Variants in AGO1 observed in about 807,000 individuals in gnomAD.
The protein encoded by AGO1 is protein argonaute-1.
Under a neutral mutation model 109.2 loss-of-function variants are expected in AGO1, and 11 were observed. The ratio of observed to expected loss-of-function variants is 0.10; its 90% confidence interval spans 0.06 to 0.17. The LOEUF is 0.17. Among genes scored for constraint, AGO1 ranks in the 10% least tolerant of loss-of-function variants. AGO1 has a pLI of 1.00. For synonymous variants in AGO1, 422 were observed against 418.6 expected (o/e 1.01, Z -0.10); for missense variants, 574 against 1,140.3 (o/e 0.50, Z 7.15).
intron 13 of AGO1, 81 bp from the exon 14 acceptor site, chr1:35,914,103 A>T: frequency 6.3e-7 from 1 of 1,590,384 alleles, no homozygotes; most frequent in South Asian, 1.1e-5. Context: ...CATAAGGGGG[A>T]GAAGAGCAGA....
At chr1:35,878,557 G>A (rs1645010317), upstream of AGO1, among the ~76,000 whole-genome samples, 1 of 152,120 alleles carries the variant, frequency 6.6e-6, no homozygotes, top group African/African-American at 2.4e-5. Context: ...CATGGGGATG[G>A]GTAGGGATAC....
In AGO1 at chr1:35,883,975, C is replaced by T. The variant is rs1645075923; in HGVS notation, c.25+529C>T. 6.6e-6 allele frequency among the ~76,000 whole-genome samples: 1 copy of T among 152,216 alleles called. No individual in the cohort carries two copies. Among genetic ancestry groups the T allele is most frequent in the Non-Finnish European group, 1.5e-5 (1 of 68,018 alleles). On this transcript the variant is annotated intron_variant, in intron 1 of 18. Transcript: ENST00000373204. This position sits in a 1 kb window ranked among gnomAD's most constrained non-coding sequence, Gnocchi z 5.4. Reference sequence around the variant, plus strand: ...GGGGACCCAGTCCCGGGATTACCCCCCGTGGGTCTGGGGAGTCGGAGCGGA... The same window carrying T: ...GGGGACCCAGTCCCGGGATTACCCCTCGTGGGTCTGGGGAGTCGGAGCGGA...
Position 35,919,675 on chromosome 1 carries a change from A to C in AGO1, c.*68A>C. The C allele has an allele frequency of 6.9e-7, 1 of 1,456,044 alleles. No individual in the cohort carries two copies. Among genetic ancestry groups the C allele is most frequent in the Non-Finnish European group, 9.4e-7 (1 of 1,059,758 alleles). The allele number at this position is 1,456,044 out of a possible 1,614,324, so 90.2% of individuals were successfully genotyped here. On this transcript the variant is annotated 3_prime_UTR_variant, in exon 19 of 19. Coordinates refer to ENST00000373204, the MANE Select transcript of AGO1 (RefSeq NM_012199.5). The surrounding 1 kb of genome is among the most constrained non-coding windows in gnomAD (Gnocchi z 6.6). ...AAGCCCCAGGAGCTGTGCCACCCAA[A>C]TCCAGAGGAAGCAAGGAGGAGGGAG...
upstream of AGO1, among the ~76,000 whole-genome samples, chr1:35,882,278 C>T (rs561378828): frequency 6.6e-6 from 1 of 152,014 alleles, no homozygotes; most frequent in Admixed American, 6.6e-5. The surrounding 1 kb of genome is among the most constrained non-coding windows in gnomAD (Gnocchi z 5.1). Context: ...ATAGTTGGGC[C>T]GTAAGAGTGG....
chr1:35,914,027 C>T lies in AGO1; in HGVS notation c.1742+26C>T. 2 of 1,613,390 alleles carry T rather than the reference C, an allele frequency of 1.2e-6. 1 individual carries two copies. The highest frequency in any genetic ancestry group is 2.2e-5 in the South Asian group (2 of 90,990). Reference sequence around the variant, plus strand: ...GTATGAACTCTGTTGTCCACTTGCCCTTGTCAAGGTACCATGCTGGGAATT... The same window carrying T: ...GTATGAACTCTGTTGTCCACTTGCCTTTGTCAAGGTACCATGCTGGGAATT... On this transcript the variant is annotated intron_variant, in intron 13 of 18. Coordinates refer to ENST00000373204, the MANE Select transcript of AGO1 (RefSeq NM_012199.5).
intron 17 of AGO1, 126 bp downstream of exon 17, chr1:35,918,549 C>T (rs1645775838): frequency 3.3e-6 from 3 of 902,308 alleles, no homozygotes; most frequent in Non-Finnish European, 5.4e-6. Context: ...TCTGTTTGTT[C>T]TGTTTTGTTT....
chr1:35,871,727 T>C (rs1037493006), intron 1 of AGO1, among the ~76,000 whole-genome samples: 4 of 151,706 alleles, frequency 2.6e-5, no homozygotes, highest in African/African-American at 9.7e-5. Context: ...TAATGATTTT[T>C]GCCCTTTTCT....
At chr1:35,887,240 G>C (rs1571341678) in intron 1 of AGO1, among the ~76,000 whole-genome samples, 2 of 152,150 alleles carry the variant, frequency 1.3e-5, no homozygotes, top group South Asian at 4.1e-4. Context: ...CCCCAGCTGA[G>C]GGTATGCCCC....
chr1:35,907,159 C>A, intron 12 of AGO1, 40 bp downstream of exon 12: 1 of 1,564,638 alleles, frequency 6.4e-7, no homozygotes, highest in Non-Finnish European at 8.7e-7. Flanking sequence ...TGATAGGACT[C>A]TTCTCAGCGT....
Position 35,902,224 on chromosome 1 carries a change from C to T in AGO1, c.1284C>T (p.Pro428=). 1 of 1,614,044 alleles carries T rather than the reference C, an allele frequency of 6.2e-7. No individual in the cohort carries two copies. Reference sequence around the variant, plus strand: ...CCCAGAACCGGGCCATTGCCACACCCAATCAGGGTGTCTGGGACATGCGGG... The same window carrying T: ...CCCAGAACCGGGCCATTGCCACACCTAATCAGGGTGTCTGGGACATGCGGG... ...YGGRNRAIAT[P]NQGVWDMRGK... is the part of the protein sequence containing the mutation. The change falls in exon 11 of 19, where the codon CCC becomes CCT. Residue 428 remains proline (P), a synonymous_variant. Coordinates refer to ENST00000373204, the MANE Select transcript of AGO1 (RefSeq NM_012199.5).
At chr1:35,875,206 G>A (rs1002701429) in intron 1 of AGO1, among the ~76,000 whole-genome samples, 1 of 152,144 alleles carries the variant, frequency 6.6e-6, no homozygotes, top group South Asian at 2.1e-4. Flanking sequence ...TCAATGCCTG[G>A]CTTCAAAGCT....
intron 12 of AGO1, among the ~76,000 whole-genome samples, chr1:35,910,001 A>G (rs1645604569): frequency 1.3e-5 from 2 of 151,888 alleles, no homozygotes; most frequent in Admixed American, 6.5e-5. Flanking sequence ...CCTGGGCTCA[A>G]TTATGTTACA....
At chr1:35,892,892 G>A (rs1645247805) in intron 3 of AGO1, among the ~76,000 whole-genome samples, 3 of 152,192 alleles carry the variant, frequency 2.0e-5, no homozygotes, top group Admixed American at 2.0e-4. Context: ...TAGACCTAAG[G>A]GCTTCCTGCT....
At chr1:35,907,606 C>G (rs897308694) in intron 12 of AGO1, among the ~76,000 whole-genome samples, 1 of 152,128 alleles carries the variant, frequency 6.6e-6, no homozygotes, top group African/African-American at 2.4e-5. Context: ...TGTCACAGCA[C>G]TTTTCTTTTA....
At chr1:35,898,960 C>T (rs1056888353) in intron 8 of AGO1, among the ~76,000 whole-genome samples, 1 of 152,164 alleles carries the variant, frequency 6.6e-6, no homozygotes, top group African/African-American at 2.4e-5. Flanking sequence ...GCATTAAATA[C>T]ATTCATGCAG....
chr1:35,873,810 A>G (rs1321996268), intron 1 of AGO1: 1 of 152,288 alleles, frequency 6.6e-6, no homozygotes, highest in Non-Finnish European at 1.5e-5. Flanking sequence ...TGCTCTCCAA[A>G]TATCCCTCCA....
In AGO1 at chr1:35,893,842, C is replaced by T; in HGVS notation, c.649+32C>T. On this transcript the variant is annotated intron_variant, in intron 5 of 18. Transcript: ENST00000373204. The surrounding 1 kb of genome is among the most constrained non-coding windows in gnomAD (Gnocchi z 5.6). ...GGGGAGAGCTATGGAGCCAGGGGCA[C>T]CCCAAGTCCAGTGACCACACTCCCA... 6.3e-7 allele frequency: 1 copy of T among 1,596,830 alleles called. No individual in the cohort carries two copies. Among genetic ancestry groups the T allele is most frequent in the Non-Finnish European group, 8.6e-7 (1 of 1,169,078 alleles).
At chr1:35,897,874 G>A (rs636832) in intron 8 of AGO1, among the ~76,000 whole-genome samples, 35,591 of 152,098 alleles carry the variant, frequency 0.23, 6,863 homozygotes, top group East Asian at 0.69. Context: ...TATCACTCCT[G>A]AAAGAAAGCC....
chr1:35,915,626 G>C, intron 15 of AGO1, 84 bp downstream of exon 15: 1 of 1,296,624 alleles, frequency 7.7e-7, no homozygotes, highest in Non-Finnish European at 1.1e-6. Flanking sequence ...TATTGGCACT[G>C]AGAGGTGTGT....
Sources: allele counts gnomAD v4.1 joint callset (sites outside exome capture counted in the v4.1 genomes callset), GRCh38; gene constraint gnomAD v4.1.1; non-coding constraint Gnocchi (gnomAD v3.1); transcripts MANE v1.5; gene names NCBI Gene and HGNC (gene_info 2026-07-23, HGNC 2026-07-21).